The following RNF34 variants were observed in gnomAD, a reference collection of about 807,000 sequenced individuals.
The protein encoded by RNF34 is E3 ubiquitin-protein ligase RNF34.
In RNF34, 12 loss-of-function variants were observed where a neutral mutation model predicts 37.9. The observed-to-expected ratio is 0.32, with a 90% CI of 0.20 to 0.51. RNF34 has a LOEUF of 0.51. RNF34 is among the 20% of genes least tolerant of loss of function. The pLI is 0.97. For missense variants in RNF34, 362 were observed against 472.7 expected (o/e 0.77, Z 2.17); for synonymous variants, 155 against 177.2 (o/e 0.87, Z 1.00).
intron 3 of RNF34, 128 bp downstream of exon 3, chr12:121,418,039 C>A: frequency 1.0e-6 from 1 of 991,684 alleles, no homozygotes; most frequent in Non-Finnish European, 1.5e-6. Context: ...GCTTCCACAC[C>A]CAGCTGAACT....
rs1322285639 is a variant in RNF34 at position 121,411,601 on chromosome 12, C to G, written c.7-4558C>G. On this transcript the variant is annotated intron_variant, in intron 1 of 5. Coordinates refer to ENST00000361234, the MANE Select transcript of RNF34 (RefSeq NM_025126.4). ...GGTGTCATTTGAGATTTTTGGTTTT[C>G]TTTACCAAGAAAACATATTTTGAAC... Among the ~76,000 whole-genome samples, 3 of 152,106 alleles carry G rather than the reference C, an allele frequency of 2.0e-5. No individual in the cohort carries two copies. In the East Asian group the frequency reaches 5.8e-4, roughly 29 times the overall value.
chr12:121,407,554 G>A (rs1192360880), intron 1 of RNF34, among the ~76,000 whole-genome samples: 1 of 152,250 alleles, frequency 6.6e-6, no homozygotes, highest in Non-Finnish European at 1.5e-5. Context: ...CAAGGGCTAC[G>A]CCTAGTATGC....
At position 121,417,723 on chromosome 12, in the gene RNF34, T is replaced by C; in HGVS notation, c.445T>C (p.Cys149Arg). The change falls in exon 3 of 6, where the codon TGC (cysteine) becomes CGC (arginine). Residue 149 changes from cysteine (C) to arginine (R), a missense_variant. By Grantham distance (180) the Cys-to-Arg change is radical (BLOSUM62 -3). Coordinates refer to ENST00000361234, the MANE Select transcript of RNF34 (RefSeq NM_025126.4). The surrounding 1 kb of genome is among the most constrained non-coding windows in gnomAD (Gnocchi z 5.0). ...AGAAGACTTGGTGGATCTAGTACTG[T>C]GCCATCATGGACTAGGCTCTGAGGA... is the stretch of plus-strand genomic sequence containing the variant. ...EKEDLVDLVL[C>R]HHGLGSEDDM... The C allele has an allele frequency of 1.2e-6, 2 of 1,614,162 alleles. No homozygotes were observed. The highest frequency in any genetic ancestry group is 2.2e-5 in the East Asian group (1 of 44,892).
intron 1 of RNF34, among the ~76,000 whole-genome samples, chr12:121,407,744 A>C (rs913164879): frequency 2.6e-5 from 4 of 152,236 alleles, no homozygotes; most frequent in Non-Finnish European, 4.4e-5. Context: ...ATGGAACAGG[A>C]AAGAACATGA....
Position 121,417,530 on chromosome 12 carries a change from T to C in RNF34, c.252T>C (p.Asp84=). The C allele has an allele frequency of 6.2e-7, 1 of 1,613,408 alleles. No homozygotes were observed. Among genetic ancestry groups the C allele is most frequent in the Non-Finnish European group, 8.5e-7 (1 of 1,179,452 alleles). The change falls in exon 3 of 6, where the codon GAT becomes GAC. Residue 84 remains aspartate (D), a synonymous_variant. Coordinates refer to ENST00000361234, the MANE Select transcript of RNF34 (RefSeq NM_025126.4). The surrounding 1 kb of genome is among the most constrained non-coding windows in gnomAD (Gnocchi z 5.0). ...ATGTTTGCTGTGACTGCAAGAAGGA[T>C]TTTTGCTCCGTTTGTTCAGTCTTAC... The part of the protein sequence containing the change: ...KKHVCCDCKK[D]FCSVCSVLQE...
chr12:121,410,504 T>C (rs1870952860), intron 1 of RNF34, among the ~76,000 whole-genome samples: 1 of 150,860 alleles, frequency 6.6e-6, no homozygotes. Flanking sequence ...GCCACTGCAT[T>C]CCATCCTGGG....
At chr12:121,414,668 C>G (rs1555281876) in intron 1 of RNF34, among the ~76,000 whole-genome samples, 2 of 151,726 alleles carry the variant, frequency 1.3e-5, no homozygotes, top group African/African-American at 4.9e-5. Flanking sequence ...AAAATACTTT[C>G]CTGTTGTTGT....
At chr12:121,403,969 T>C (rs1406778415) in intron 1 of RNF34, among the ~76,000 whole-genome samples, 1 of 152,094 alleles carries the variant, frequency 6.6e-6, no homozygotes, top group Admixed American at 6.6e-5. Context: ...CCTTGCTATT[T>C]ACCTAGTTTA....
Position 121,417,431 on chromosome 12 carries a change from G to A in RNF34, c.226-73G>A, listed in dbSNP as rs1179651121. Reference sequence around the variant, plus strand: ...TAAGAACTAAAATTAAATTTTAGTAGAAGGCAGAAAGAAAACTCATGCTTT... The same window carrying A: ...TAAGAACTAAAATTAAATTTTAGTAAAAGGCAGAAAGAAAACTCATGCTTT... On this transcript the variant is annotated intron_variant, in intron 2 of 5. Transcript: ENST00000361234. This position sits in a 1 kb window ranked among gnomAD's most constrained non-coding sequence, Gnocchi z 5.0. 7.5e-6 allele frequency: 10 copies of A among 1,333,404 alleles called. No individual in the cohort carries two copies. Among genetic ancestry groups the A allele is most frequent in the Non-Finnish European group, 1.0e-5 (10 of 970,460 alleles). 82.6% of individuals were successfully genotyped at this position (1,333,404 alleles called of 1,614,324 possible). A position where few individuals can be genotyped will look rare whatever the true frequency, so the allele number is the denominator to read the frequency against.
At chr12:121,419,018 A>G (rs59966462) in intron 3 of RNF34, among the ~76,000 whole-genome samples, 29,067 of 152,154 alleles carry the variant, frequency 0.19, 4,289 homozygotes, top group African/African-American at 0.41. Flanking sequence ...GTGTCTTTTA[A>G]TTAGTAAATG....
chr12:121,403,309 T>A (rs1593645288), intron 1 of RNF34, among the ~76,000 whole-genome samples: 2 of 149,406 alleles, frequency 1.3e-5, no homozygotes, highest in African/African-American at 5.0e-5. Context: ...GGCAGGAGAA[T>A]GGCGTGAACC....
Position 121,417,387 on chromosome 12 carries a change from G to C in RNF34, c.226-117G>C. The stretch of plus-strand genomic sequence containing the variant: ...TGAAAATACCTCTGGAAATAGTCTG[G>C]TGCCACTGGGGACTTCACTAAGAAC... On this transcript the variant is annotated intron_variant, in intron 2 of 5. Coordinates refer to ENST00000361234, the MANE Select transcript of RNF34 (RefSeq NM_025126.4). This position sits in a 1 kb window ranked among gnomAD's most constrained non-coding sequence, Gnocchi z 5.0. The C allele has an allele frequency of 2.6e-6, 2 of 773,990 alleles. No homozygotes were observed. The highest frequency in any genetic ancestry group is 4.1e-6 in the Non-Finnish European group (2 of 486,892). 47.9% of individuals were successfully genotyped at this position (773,990 alleles called of 1,614,324 possible). A position where few individuals can be genotyped will look rare whatever the true frequency, so the allele number is the denominator to read the frequency against.
At chr12:121,416,065 GC>G (rs1424137045) in intron 1 of RNF34, 93 bp from the exon 2 acceptor site, 12 of 980,926 alleles carry the variant, frequency 1.2e-5, no homozygotes, top group Admixed American at 1.0e-4. Context: ...GTTATTGAGG[GC>G]AAACTTACCT....
At chr12:121,411,166 A>G (rs551150356) in intron 1 of RNF34, among the ~76,000 whole-genome samples, 24 of 152,262 alleles carry the variant, frequency 1.6e-4, no homozygotes, top group African/African-American at 5.3e-4. Context: ...GGCCTCAAAC[A>G]ATCCTCCCAC....
chr12:121,419,269 A>G (rs1555282820), intron 3 of RNF34, among the ~76,000 whole-genome samples: 1 of 152,240 alleles, frequency 6.6e-6, no homozygotes, highest in Admixed American at 6.5e-5. Flanking sequence ...GTAGCCGGCC[A>G]TGCCCTATAG....
Position 121,420,778 on chromosome 12 carries a change from T to C in RNF34, c.928T>C (p.Tyr310His). 6.2e-7 allele frequency: 1 copy of C among 1,607,438 alleles called. No homozygotes were observed. Among genetic ancestry groups the C allele is most frequent in the Non-Finnish European group, 8.5e-7 (1 of 1,174,038 alleles). Residue 310 changes from tyrosine (Y) to histidine (H), a missense_variant and splice_region_variant, in exon 5 of 6, where the codon TAT becomes CAT. Physicochemically the swap from Tyr to His is moderately conservative, Grantham distance 83. Coordinates refer to ENST00000361234, the MANE Select transcript of RNF34 (RefSeq NM_025126.4). ...AGAGAATGAAGAAAACCAAAAGTCCTGTAGGTTTATCTTTTCATTTTTTCC... is the reference window on the plus strand; with the variant it reads ...AGAGAATGAAGAAAACCAAAAGTCCCGTAGGTTTATCTTTTCATTTTTTCC... ...YKENEENQKS[Y>H]GERLQLQDEE...
intron 1 of RNF34, among the ~76,000 whole-genome samples, chr12:121,408,921 T>C (rs1870788548): frequency 6.6e-6 from 1 of 150,620 alleles, no homozygotes; most frequent in African/African-American, 2.4e-5. Flanking sequence ...CAATCTGTGG[T>C]AAAAAGGAAA....
At chr12:121,403,667 C>G (rs2136895405) in intron 1 of RNF34, among the ~76,000 whole-genome samples, 1 of 152,244 alleles carries the variant, frequency 6.6e-6, no homozygotes, top group East Asian at 1.9e-4. Flanking sequence ...AGGAAGCTTT[C>G]ATTGATGGAA....
Position 121,417,939 on chromosome 12 carries a change from G to A in RNF34, c.633+28G>A, listed in dbSNP as rs782395778. The A allele has an allele frequency of 8.7e-6, 14 of 1,603,322 alleles. No individual in the cohort carries two copies. The highest frequency in any genetic ancestry group is 1.2e-5 in the Non-Finnish European group (14 of 1,174,662). On this transcript the variant is annotated intron_variant, in intron 3 of 5. Transcript: ENST00000361234. The surrounding 1 kb of genome is among the most constrained non-coding windows in gnomAD (Gnocchi z 5.0). ...ACGAGGGGGTAACTAATTACACCCA[G>A]GGCCCGGCACGCTTATTCTTGGCCG...
Sources: allele counts gnomAD v4.1 joint callset (sites outside exome capture counted in the v4.1 genomes callset), GRCh38; gene constraint gnomAD v4.1.1; non-coding constraint Gnocchi (gnomAD v3.1); transcripts MANE v1.5; gene names NCBI Gene and HGNC (gene_info 2026-07-23, HGNC 2026-07-21).